The following GPC6 variants were observed in gnomAD, a reference collection of about 807,000 sequenced individuals.
GPC6 encodes glypican 6.
GPC6 carries 14 observed loss-of-function variants against 55.2 expected under a neutral mutation model. The ratio of observed to expected loss-of-function variants is 0.25; its 90% confidence interval spans 0.17 to 0.40. The LOEUF is 0.40. Ranked by LOEUF, GPC6 falls within the 10% of genes least tolerant of loss-of-function variation. The probability of loss-of-function intolerance (pLI) is 1.00; values close to 1 mark genes in which losing one functional copy is unlikely to be tolerated. For synonymous variants in GPC6, 278 were observed against 259.6 expected, an observed-to-expected ratio of 1.07 and a Z score of -0.68; for missense variants, 641 against 708.5, an observed-to-expected ratio of 0.90 and a Z score of 1.08.
chr13:93,513,398 A>G (rs191882121), intron 1 of GPC6, among the ~76,000 whole-genome samples: 9 of 152,286 alleles, frequency 5.9e-5, no homozygotes, highest in African/African-American at 2.2e-4. Context: ...TTCAACATAA[A>G]CCTAGCCAAA....
At chr13:93,746,194 A>C (rs574976515) in intron 2 of GPC6, among the ~76,000 whole-genome samples, 1 of 152,288 alleles carries the variant, frequency 6.6e-6, no homozygotes, top group Admixed American at 6.5e-5. Context: ...GGTGATTCCA[A>C]CTCTTCAAAA....
intron 1 of GPC6, among the ~76,000 whole-genome samples, chr13:93,472,384 G>A (rs1349473342): frequency 6.6e-6 from 1 of 152,188 alleles, no homozygotes; most frequent in Non-Finnish European, 1.5e-5. Flanking sequence ...AGTCATGGAG[G>A]TGTGGAGTGG....
intron 1 of GPC6, among the ~76,000 whole-genome samples, chr13:93,523,250 CAT>C (rs929830673): frequency 4.7e-5 from 7 of 148,678 alleles, no homozygotes; most frequent in African/African-American, 1.7e-4. Flanking sequence ...TACATATACA[CAT>C]ATATGGATAA....
rs1177885596 is a variant in GPC6, at chr13:93,419,838, CT to C, written c.161-125422del. 8.5e-5 allele frequency among the ~76,000 whole-genome samples: 13 copies of C among 152,146 alleles called. 1 individual carries two copies. Among genetic ancestry groups the C allele is most frequent in the African/African-American group, 2.9e-4 (12 of 41,524 alleles). On this transcript the variant is annotated intron_variant, in intron 1 of 8. Transcript: ENST00000377047. ...ACTGTTTCTACATTAAACGTTTGAACTTTAAATATAAATACAAGCAGAATTG... is the reference window on the plus strand; with the variant it reads ...ACTGTTTCTACATTAAACGTTTGAACTTAAATATAAATACAAGCAGAATTG...
chr13:94,128,249 G>A (rs1173619946), intron 4 of GPC6, among the ~76,000 whole-genome samples: 5 of 152,084 alleles, frequency 3.3e-5, no homozygotes, highest in Admixed American at 3.3e-4. Context: ...TTAGATGATG[G>A]TCTGTAAAGT....
At chr13:93,269,078 ATAAAT>A (rs1484649084) in intron 1 of GPC6, among the ~76,000 whole-genome samples, 2 of 152,204 alleles carry the variant, frequency 1.3e-5, no homozygotes, top group African/African-American at 4.8e-5. Context: ...AATATATAAA[ATAAAT>A]TAATGTTTTA....
chr13:93,968,164 A>G (rs996671789), intron 3 of GPC6, among the ~76,000 whole-genome samples: 1 of 152,198 alleles, frequency 6.6e-6, no homozygotes, highest in Non-Finnish European at 1.5e-5. Flanking sequence ...TAAAATGCTC[A>G]TTGTTAGAAG....
intron 3 of GPC6, among the ~76,000 whole-genome samples, chr13:93,960,667 C>T (rs1879725867): frequency 6.6e-6 from 1 of 152,094 alleles, no homozygotes; most frequent in Non-Finnish European, 1.5e-5. Flanking sequence ...CATTGGATCC[C>T]AAGTTTTTTT....
intron 1 of GPC6, among the ~76,000 whole-genome samples, chr13:93,274,823 T>C (rs928332191): frequency 6.6e-6 from 1 of 152,216 alleles, no homozygotes; most frequent in African/African-American, 2.4e-5. Flanking sequence ...ACATGTATAT[T>C]AGTAATACAT....
intron 2 of GPC6, among the ~76,000 whole-genome samples, chr13:93,759,468 A>C (rs1264146382): frequency 6.6e-6 from 1 of 152,198 alleles, no homozygotes; most frequent in Non-Finnish European, 1.5e-5. Context: ...CCTAAAGTTT[A>C]CATCAGGCAT....
chr13:93,632,720 G>T (rs1186943994), intron 2 of GPC6, among the ~76,000 whole-genome samples: 1 of 151,070 alleles, frequency 6.6e-6, no homozygotes, highest in Non-Finnish European at 1.5e-5. Context: ...TACAACGATA[G>T]ACACAAAACC....
intron 1 of GPC6, among the ~76,000 whole-genome samples, chr13:93,389,621 AG>A (rs1224928657): frequency 6.6e-6 from 1 of 151,118 alleles, no homozygotes; most frequent in African/African-American, 2.5e-5. Flanking sequence ...GTATACACAC[AG>A]AATGTATGTA....
intron 4 of GPC6, among the ~76,000 whole-genome samples, chr13:94,127,708 A>G (rs1457226286): frequency 6.6e-6 from 1 of 152,178 alleles, no homozygotes; most frequent in East Asian, 1.9e-4. Context: ...TGCTATTTCA[A>G]TTGTAAAAGC....
intron 4 of GPC6, among the ~76,000 whole-genome samples, chr13:94,036,727 C>CCT (rs1317994893): frequency 6.6e-6 from 1 of 151,888 alleles, no homozygotes; most frequent in East Asian, 1.9e-4. Context: ...CGGCAGTGAC[C>CCT]CTCTCCTACC....
intron 2 of GPC6, among the ~76,000 whole-genome samples, chr13:93,774,348 T>G (rs533366756): frequency 1.3e-5 from 2 of 152,322 alleles, no homozygotes; most frequent in South Asian, 4.1e-4. Flanking sequence ...ACTTCCATTC[T>G]GTTTCACTTC....
chr13:93,770,460 A>G (rs935375402), intron 2 of GPC6, among the ~76,000 whole-genome samples: 12 of 152,182 alleles, frequency 7.9e-5, no homozygotes, highest in African/African-American at 2.9e-4. Context: ...GGTCTGAGGC[A>G]TGCCACCATT....
chr13:94,007,133 AT>A (rs1363569828), intron 3 of GPC6, among the ~76,000 whole-genome samples: 1 of 152,192 alleles, frequency 6.6e-6, no homozygotes, highest in African/African-American at 2.4e-5. Context: ...CTTCCTTCAG[AT>A]TCCTGAAATC....
intron 2 of GPC6, among the ~76,000 whole-genome samples, chr13:93,747,469 C>T (rs1486519188): frequency 1.3e-5 from 2 of 152,182 alleles, no homozygotes; most frequent in Non-Finnish European, 2.9e-5. Context: ...CCAGCCTCAT[C>T]AGAAGAGAGA....
intron 6 of GPC6, among the ~76,000 whole-genome samples, chr13:94,308,968 C>T (rs111416277): frequency 1.2e-4 from 19 of 152,256 alleles, no homozygotes; most frequent in Middle Eastern, 3.4e-3. Flanking sequence ...CAGTCAAACA[C>T]GCTCATCTTT....
Sources: gnomAD v4.1 joint callset for allele counts (sites outside exome capture counted in the v4.1 genomes callset) on GRCh38, gnomAD v4.1.1 for gene constraint, MANE v1.5 for transcripts, NCBI Gene and HGNC (gene_info 2026-07-23, HGNC 2026-07-21) for gene names.